Variants in SLC13A4 observed in about 807,000 individuals in gnomAD.
SLC13A4 encodes the protein Na(+)/sulfate cotransporter SUT-1.
SLC13A4 carries 28 observed loss-of-function variants against 72.7 expected under a neutral mutation model. The observed-to-expected ratio is 0.39, with a 90% CI of 0.29 to 0.53. The LOEUF (loss-of-function observed/expected upper bound fraction) is 0.53, where lower values mean the gene tolerates loss of function less well. SLC13A4 is among the 20% of genes least tolerant of loss of function. The probability of loss-of-function intolerance (pLI) is 0.78; values close to 1 mark genes in which losing one functional copy is unlikely to be tolerated. For missense variants in SLC13A4, 653 were observed against 788.0 expected (o/e 0.83, Z 2.05); for synonymous variants, 312 against 325.5 (o/e 0.96, Z 0.45).
At chr7:135,713,909 C>A (rs1466768272) in intron 2 of SLC13A4, among the ~76,000 whole-genome samples, 1 of 152,188 alleles carries the variant, frequency 6.6e-6, no homozygotes, top group African/African-American at 2.4e-5. Flanking sequence ...ATTCTCTGAA[C>A]CCTGGGAGCA....
At chr7:135,705,339 A>C in intron 5 of SLC13A4, 1 of 426,832 alleles carries the variant, frequency 2.3e-6, no homozygotes, top group Non-Finnish European at 4.2e-6. Flanking sequence ...ATCCACTGAG[A>C]TTCAGTGTGG....
At chr7:135,694,259 A>G (rs1477044891) in intron 9 of SLC13A4, 21 bp from the exon 10 acceptor site, 2 of 1,450,904 alleles carry the variant, frequency 1.4e-6, no homozygotes, top group South Asian at 2.3e-5. Flanking sequence ...AGAATGAGCA[A>G]ATGATTAAAG....
chr7:135,710,828 GA>G (rs1287030654), intron 2 of SLC13A4, among the ~76,000 whole-genome samples: 2 of 152,152 alleles, frequency 1.3e-5, no homozygotes, highest in Non-Finnish European at 2.9e-5. Context: ...TTCCTGGGGG[GA>G]AAAGCCCCTG....
Position 135,702,897 on chromosome 7 carries a change from A to G in SLC13A4, c.594-13T>C. On this transcript the variant is annotated splice_polypyrimidine_tract_variant and intron_variant, in intron 5 of 15. Transcript: ENST00000682651. ...TGCGTTGGACCTGCTGGAACCAAGC[A>G]GAGGACACAGGAGCCACGTCAGTGA... 1 of 1,610,548 alleles carries G rather than the reference A, an allele frequency of 6.2e-7. No homozygotes were observed. The highest frequency in any genetic ancestry group is 8.5e-7 in the Non-Finnish European group (1 of 1,176,796).
Position 135,695,379 on chromosome 7 carries a change from G to A in SLC13A4, c.1008C>T (p.Phe336=). ...VVSWFWMHWL[F]LGCNFKETCS... is the part of the protein sequence containing the mutation. ...GCCCTGGAACTCACTTGCAGCCCAGGAACAGCCAGTGCATCCAGAACCAGC... is the reference window on the plus strand; with the variant it reads ...GCCCTGGAACTCACTTGCAGCCCAGAAACAGCCAGTGCATCCAGAACCAGC... The change falls in exon 9 of 16, where the codon TTC becomes TTT. Residue 336 remains phenylalanine (F), a synonymous_variant. Transcript: ENST00000682651. 5 of 1,614,042 alleles carry A rather than the reference G, an allele frequency of 3.1e-6. No individual in the cohort carries two copies. Among genetic ancestry groups the A allele is most frequent in the Non-Finnish European group, 4.2e-6 (5 of 1,179,956 alleles).
intron 15 of SLC13A4, among the ~76,000 whole-genome samples, chr7:135,682,756 C>T (rs1321096515): frequency 6.6e-6 from 1 of 152,194 alleles, no homozygotes; most frequent in African/African-American, 2.4e-5. Context: ...GTGCCCAAGA[C>T]TGGCTCACTT....
At chr7:135,713,726 C>T (rs1169256040) in intron 2 of SLC13A4, among the ~76,000 whole-genome samples, 4 of 152,166 alleles carry the variant, frequency 2.6e-5, no homozygotes, top group Admixed American at 2.6e-4. Flanking sequence ...TACAGGCACC[C>T]ACCATTGTGT....
intron 2 of SLC13A4, among the ~76,000 whole-genome samples, chr7:135,718,088 C>CACACACACACACACACAT (rs754511549): frequency 1.3e-5 from 2 of 149,666 alleles, no homozygotes; most frequent in East Asian, 4.0e-4. Context: ...CACACACACA[C>CACACACACACACACACAT]GCGCGCGCGC....
At chr7:135,721,834 GACCCATGATCAC>G (rs1796556250) in intron 1 of SLC13A4, among the ~76,000 whole-genome samples, 1 of 152,240 alleles carries the variant, frequency 6.6e-6, no homozygotes, top group African/African-American at 2.4e-5. Flanking sequence ...GCAGTGACCA[GACCCATGATCAC>G]AAAACCATAC....
chr7:135,721,300 T>C (rs1307657982), intron 2 of SLC13A4, 95 bp downstream of exon 2: 17 of 1,463,910 alleles, frequency 1.2e-5, no homozygotes, highest in Middle Eastern at 3.6e-4. Context: ...GGCCCCCTCA[T>C]CGTCAAGTGC....
In SLC13A4 at chr7:135,702,678, T is replaced by C. The variant is rs949399939; in HGVS notation, c.633+167A>G. 14 of 668,062 alleles carry C rather than the reference T, an allele frequency of 2.1e-5. 1 individual carries two copies. Among genetic ancestry groups the C allele is most frequent in the Non-Finnish European group, 3.5e-5 (13 of 374,214 alleles). 41.4% of individuals were successfully genotyped at this position (668,062 alleles called of 1,614,324 possible). ...GGCATGAGCCACCACGCCCAGCCAATGTGTCCTTTTTAATAATAACATTTT... is the reference window on the plus strand; with the variant it reads ...GGCATGAGCCACCACGCCCAGCCAACGTGTCCTTTTTAATAATAACATTTT... On this transcript the variant is annotated intron_variant, in intron 6 of 15. Coordinates refer to ENST00000682651, the MANE Select transcript of SLC13A4 (RefSeq NM_001318192.2).
intron 15 of SLC13A4, chr7:135,683,676 G>A: frequency 1.0e-6 from 1 of 985,430 alleles, no homozygotes; most frequent in Non-Finnish European, 1.2e-6. Flanking sequence ...CTGGGCCGGG[G>A]TGGAGGGTGA....
In SLC13A4 at chr7:135,692,312, A is replaced by G. The variant is rs1190639421; in HGVS notation, c.1223+11T>C. 2 of 1,591,760 alleles carry G rather than the reference A, an allele frequency of 1.3e-6. No individual in the cohort carries two copies. The highest frequency in any genetic ancestry group is 1.7e-6 in the Non-Finnish European group (2 of 1,159,764). On this transcript the variant is annotated intron_variant, in intron 11 of 15. Transcript: ENST00000682651. ...GGGGGTTGTTCTTAAGGAGGAAATG[A>G]TATCACTTACTTTTCAAAGAAAGAA...
chr7:135,724,414 T>C (rs572716431), intron 1 of SLC13A4, among the ~76,000 whole-genome samples: 1 of 149,836 alleles, frequency 6.7e-6, no homozygotes, highest in African/African-American at 2.5e-5. Flanking sequence ...GGAGAATCCC[T>C]TGAACCCGGG....
chr7:135,727,503 T>C lies in SLC13A4; in HGVS notation c.-7A>G, dbSNP rs768377562. The C allele has an allele frequency of 1.3e-6, 2 of 1,549,202 alleles. No individual in the cohort carries two copies. Among genetic ancestry groups the C allele is most frequent in the African/African-American group, 1.4e-5 (1 of 73,044 alleles). On this transcript the variant is annotated 5_prime_UTR_variant, in exon 1 of 16. Coordinates refer to ENST00000682651, the MANE Select transcript of SLC13A4 (RefSeq NM_001318192.2). ...GGCCCTGCAGCAGGCCCATCGCGCC[T>C]CTGTCCTCTCCAGCTCGTCCTTGGA...
chr7:135,690,507 C>T (rs1009330333), intron 13 of SLC13A4, among the ~76,000 whole-genome samples: 1 of 152,288 alleles, frequency 6.6e-6, no homozygotes. Context: ...TGGTCCCTTA[C>T]AGAGATCGCC....
intron 10 of SLC13A4, chr7:135,693,125 A>AAAG (rs1795828510): frequency 6.6e-6 from 1 of 150,942 alleles, no homozygotes; most frequent in Non-Finnish European, 1.5e-5. Context: ...AAAAAAAAAA[A>AAAG]TAGTTGGTCA....
At chr7:135,718,088 C>CACACACACACACACGT (rs754511549) in intron 2 of SLC13A4, among the ~76,000 whole-genome samples, 3,997 of 149,634 alleles carry the variant, frequency 0.027, 188 homozygotes, top group African/African-American at 0.087. Context: ...CACACACACA[C>CACACACACACACACGT]GCGCGCGCGC....
intron 1 of SLC13A4, among the ~76,000 whole-genome samples, chr7:135,724,936 A>T (rs573378605): frequency 6.6e-6 from 1 of 152,236 alleles, no homozygotes; most frequent in Non-Finnish European, 1.5e-5. Context: ...CCCAACGCCT[A>T]TCCCATGTCT....
Sources: allele counts gnomAD v4.1 joint callset (sites outside exome capture counted in the v4.1 genomes callset), GRCh38; gene constraint gnomAD v4.1.1; transcripts MANE v1.5; gene names NCBI Gene and HGNC (gene_info 2026-07-23, HGNC 2026-07-21).